Variants in DNAH10 observed in about 807,000 individuals in gnomAD.
The protein encoded by DNAH10 is dynein axonemal heavy chain 10.
Under a neutral mutation model 506.6 loss-of-function variants are expected in DNAH10, and 348 were observed. That is an observed-to-expected ratio of 0.69 (90% confidence interval 0.63 to 0.75). The LOEUF (loss-of-function observed/expected upper bound fraction) is 0.75. DNAH10 is among the 30% of genes least tolerant of loss of function. The pLI, the probability that DNAH10 is intolerant of heterozygous loss-of-function variation, is 0.00. For synonymous variants in DNAH10, 2,059 were observed against 2,198.6 expected, an observed-to-expected ratio of 0.94 and a Z score of 1.78; for missense variants, 5,179 against 5,787.1, an observed-to-expected ratio of 0.89 and a Z score of 3.41.
intron 59 of DNAH10, among the ~76,000 whole-genome samples, chr12:123,911,163 C>A (rs1343282984): frequency 8.7e-5 from 11 of 126,342 alleles, no homozygotes; most frequent in Admixed American, 7.0e-4. Context: ...CAGAGTGAGA[C>A]CCTGTCTCAA....
At chr12:123,848,400 T>C (rs1565987838) in intron 33 of DNAH10, among the ~76,000 whole-genome samples, 1 of 152,206 alleles carries the variant, frequency 6.6e-6, no homozygotes, top group Non-Finnish European at 1.5e-5. Context: ...AAAGTCCATC[T>C]AAAGAGGGTG....
rs113378202 is a variant in DNAH10 at position 123,803,800 on chromosome 12, C to T, written c.2754C>T (p.Ala918=). ...CCATAAATCTCTTTAAATATCCAGC[C>T]GCTAAAAGTGAGGAAGAACTCCCAG... is the stretch of plus-strand genomic sequence containing the variant. ...IEAINLFKYP[A]AKSEEELPGV... The change falls in exon 17 of 79, where the codon GCC becomes GCT. Residue 918 remains alanine (A), a synonymous_variant. Transcript: ENST00000673944. 1.6e-4 allele frequency: 255 copies of T among 1,610,752 alleles called. 1 individual carries two copies. In the African/African-American group the frequency reaches 2.6e-3, roughly 17 times the overall value.
At position 123,925,982 on chromosome 12, in the gene DNAH10, A is replaced by T. The variant is rs4575361; in HGVS notation, c.11922-655A>T. The T allele has an allele frequency of 0.28, 43,014 of 152,148 alleles. 6,218 individuals are homozygous for T. Among genetic ancestry groups the T allele is most frequent in the Middle Eastern group, 0.34 (99 of 294 alleles). The allele number at this position is 152,148 out of a possible 1,614,324, so 9.4% of individuals were successfully genotyped here. On this transcript the variant is annotated intron_variant, in intron 68 of 78. Coordinates refer to ENST00000673944, the MANE Select transcript of DNAH10 (RefSeq NM_001372106.1). This position sits in a 1 kb window ranked among gnomAD's most constrained non-coding sequence, Gnocchi z 4.0. ...CTCACACCTGTAATCCCAGCACTTC[A>T]GGAAGCTGATGTGGGAGGATCGCTT...
chr12:123,921,282 G>A (rs932793214), intron 65 of DNAH10, among the ~76,000 whole-genome samples: 5 of 152,170 alleles, frequency 3.3e-5, no homozygotes, highest in Admixed American at 6.5e-5. Flanking sequence ...GCCAGCCTTC[G>A]TGGAACCAAG....
intron 61 of DNAH10, 28 bp from the exon 62 acceptor site, chr12:123,914,823 AT>A (rs1954393108): frequency 6.2e-7 from 1 of 1,609,060 alleles, no homozygotes; most frequent in Non-Finnish European, 8.5e-7. Context: ...GGTGAGAAAA[AT>A]TCATTTCCCA....
chr12:123,914,321 C>T lies in DNAH10; in HGVS notation c.10353-8C>T, dbSNP rs568442552. 81 of 1,609,370 alleles carry T rather than the reference C, an allele frequency of 5.0e-5. 1 individual carries two copies. The East Asian group carries it at 6.2e-4, about 12-fold the overall frequency. On this transcript the variant is annotated splice_polypyrimidine_tract_variant and splice_region_variant and intron_variant, in intron 60 of 78. Transcript: ENST00000673944. ...ACTCACGGCAGCCTCCCTCTCCTCC[C>T]GTGCCAGGTGGCTGAACGACCTGGA...
intron 46 of DNAH10, among the ~76,000 whole-genome samples, chr12:123,875,019 G>T (rs1336072635): frequency 6.6e-6 from 1 of 152,174 alleles, no homozygotes; most frequent in African/African-American, 2.4e-5. Context: ...CCCTCATGAA[G>T]CTGTAGTATC....
At chr12:123,888,109 G>C (rs565720910) in intron 52 of DNAH10, among the ~76,000 whole-genome samples, 1 of 152,296 alleles carries the variant, frequency 6.6e-6, no homozygotes, top group Non-Finnish European at 1.5e-5. Context: ...CTACTCAGGA[G>C]GGGCAGGAGG....
Position 123,870,265 on chromosome 12 carries a change from G to A in DNAH10, c.7520-101G>A, listed in dbSNP as rs138707186. 2.9e-5 allele frequency: 42 copies of A among 1,466,700 alleles called. No homozygotes were observed. In the African/African-American group the frequency reaches 4.1e-4, roughly 14 times the overall value. 90.9% of individuals were successfully genotyped at this position (1,466,700 alleles called of 1,614,324 possible). Reference sequence around the variant, plus strand: ...CATTGAAGTACTCACTATGGCCTCCGTGCAGTACAAGCAACATTAGTTCAT... The same window carrying A: ...CATTGAAGTACTCACTATGGCCTCCATGCAGTACAAGCAACATTAGTTCAT... On this transcript the variant is annotated intron_variant, in intron 43 of 78. Coordinates refer to ENST00000673944, the MANE Select transcript of DNAH10 (RefSeq NM_001372106.1).
intron 8 of DNAH10, 131 bp downstream of exon 8, chr12:123,784,308 A>C: frequency 2.2e-6 from 2 of 908,394 alleles, no homozygotes; most frequent in Non-Finnish European, 3.4e-6. Context: ...GCACTTTGGG[A>C]GGCTGAGGTG....
At chr12:123,851,757 A>G (rs892446286) in intron 35 of DNAH10, among the ~76,000 whole-genome samples, 3 of 152,214 alleles carry the variant, frequency 2.0e-5, no homozygotes, top group Non-Finnish European at 4.4e-5. Flanking sequence ...ACATCAGGAT[A>G]CAGAACTATT....
intron 18 of DNAH10, among the ~76,000 whole-genome samples, chr12:123,807,646 A>C (rs1023171896): frequency 1.3e-5 from 2 of 151,804 alleles, no homozygotes; most frequent in Non-Finnish European, 2.9e-5. Flanking sequence ...GGATCAGGTC[A>C]CAGGGAGCCT....
chr12:123,801,522 G>C (rs1427340057), intron 16 of DNAH10, 90 bp downstream of exon 16: 1 of 1,470,480 alleles, frequency 6.8e-7, no homozygotes, highest in East Asian at 2.3e-5. Context: ...ATTTTCATAT[G>C]TTTATAGAGA....
intron 23 of DNAH10, among the ~76,000 whole-genome samples, chr12:123,820,186 C>G (rs1959243912): frequency 6.6e-6 from 1 of 152,086 alleles, no homozygotes; most frequent in African/African-American, 2.4e-5. Context: ...ACGTAGTGAC[C>G]TAGAGTGGTA....
At chr12:123,927,630 C>T (rs1955005153) in intron 69 of DNAH10, 1 of 152,386 alleles carries the variant, frequency 6.6e-6, no homozygotes, top group Non-Finnish European at 1.5e-5. Context: ...TGGGACAAAG[C>T]TTGCAGGAAA....
intron 39 of DNAH10, 101 bp from the exon 40 acceptor site, chr12:123,864,494 C>A (rs539099309): frequency 2.7e-6 from 4 of 1,479,298 alleles, no homozygotes; most frequent in Non-Finnish European, 3.6e-6. Context: ...GGGTAGAAAA[C>A]CCTGGGAAAA....
At chr12:123,862,647 A>G (rs1951656782) in intron 39 of DNAH10, among the ~76,000 whole-genome samples, 1 of 152,072 alleles carries the variant, frequency 6.6e-6, no homozygotes, top group African/African-American at 2.4e-5. Flanking sequence ...TGCCTCAGCC[A>G]ACTACAGTGC....
chr12:123,929,973 G>C, intron 72 of DNAH10: 2 of 605,070 alleles, frequency 3.3e-6, no homozygotes, highest in Non-Finnish European at 5.8e-6. Flanking sequence ...ATCCATGGCT[G>C]GGGATCCAGG....
At chr12:123,835,358 G>T in intron 27 of DNAH10, 48 bp from the exon 28 acceptor site, 1 of 1,597,910 alleles carries the variant, frequency 6.3e-7, no homozygotes, top group Non-Finnish European at 8.5e-7. Flanking sequence ...TCCACTTTTG[G>T]AGGTATCTGA....
Sources: gnomAD v4.1 joint callset for allele counts (sites outside exome capture counted in the v4.1 genomes callset) on GRCh38, gnomAD v4.1.1 for gene constraint, Gnocchi (gnomAD v3.1) non-coding constraint, MANE v1.5 for transcripts, NCBI Gene and HGNC (gene_info 2026-07-23, HGNC 2026-07-21) for gene names.